The following EEFSEC variants were observed in gnomAD, a reference collection of about 807,000 sequenced individuals.
The protein encoded by EEFSEC is eukaryotic elongation factor, selenocysteine-tRNA specific, also known as selenocysteine-specific elongation factor.
Under a neutral mutation model 42.1 loss-of-function variants are expected in EEFSEC, and 43 were observed. The observed-to-expected ratio is 1.02, with a 90% CI of 0.80 to 1.32. The LOEUF is 1.32. Among genes scored for constraint, EEFSEC ranks in the 40% most tolerant of loss-of-function variants. The probability of loss-of-function intolerance (pLI) is 0.00; values close to 1 mark genes in which losing one functional copy is unlikely to be tolerated. For missense variants in EEFSEC, 745 were observed against 803.6 expected, an observed-to-expected ratio of 0.93 and a Z score of 0.88; for synonymous variants, 354 against 339.1, an observed-to-expected ratio of 1.04 and a Z score of -0.48.
intron 4 of EEFSEC, among the ~76,000 whole-genome samples, chr3:128,307,080 G>A (rs1041406849): frequency 4.6e-5 from 7 of 152,244 alleles, no homozygotes; most frequent in African/African-American, 7.2e-5. Flanking sequence ...TCACCAGTAC[G>A]TCCTACCTGC....
At position 128,358,316 on chromosome 3, in the gene EEFSEC, C is replaced by T; in HGVS notation, c.1543C>T (p.Leu515=). The T allele has an allele frequency of 6.2e-7, 1 of 1,614,242 alleles. No homozygotes were observed. Among genetic ancestry groups the T allele is most frequent in the Admixed American group, 1.7e-5 (1 of 60,028 alleles). Residue 515 remains leucine, a synonymous_variant, in exon 6 of 7, where the codon CTG becomes TTG. Coordinates refer to ENST00000254730, the MANE Select transcript of EEFSEC (RefSeq NM_021937.5). ...GLKVHLSTGE[L]GIIDSAFGQS... ...CAAGGTGCACTTGTCCACTGGGGAA[C>T]TGGGCATCATCGACAGTGCCTTCGG...
intron 4 of EEFSEC, among the ~76,000 whole-genome samples, chr3:128,336,490 G>C (rs570773701): frequency 3.3e-5 from 5 of 152,240 alleles, no homozygotes; most frequent in South Asian, 2.1e-4. Flanking sequence ...CCATGGCAAT[G>C]GTGGCTGGCC....
intron 2 of EEFSEC, among the ~76,000 whole-genome samples, chr3:128,252,520 A>G (rs1042247489): frequency 1.3e-5 from 2 of 152,194 alleles, no homozygotes; most frequent in South Asian, 2.1e-4. Flanking sequence ...TTTCGCATGC[A>G]TAGTTCGTGG....
At chr3:128,268,682 A>G (rs1181472685) in intron 4 of EEFSEC, among the ~76,000 whole-genome samples, 1 of 152,096 alleles carries the variant, frequency 6.6e-6, no homozygotes. Context: ...AGAAGTCCAT[A>G]TAAAGACTAA....
intron 2 of EEFSEC, among the ~76,000 whole-genome samples, chr3:128,254,158 C>T (rs1338663277): frequency 6.6e-6 from 1 of 152,100 alleles, no homozygotes; most frequent in Non-Finnish European, 1.5e-5. Context: ...GAGTTAAAGG[C>T]CAGAGCTGAA....
At chr3:128,358,397 G>A in intron 6 of EEFSEC, 24 bp downstream of exon 6, 1 of 1,613,342 alleles carries the variant, frequency 6.2e-7, no homozygotes, top group Non-Finnish European at 8.5e-7. Context: ...CTTCCTCCCG[G>A]TTTAGGGACA....
chr3:128,254,924 A>C (rs1308694997), intron 2 of EEFSEC, among the ~76,000 whole-genome samples: 1 of 152,192 alleles, frequency 6.6e-6, no homozygotes, highest in Non-Finnish European at 1.5e-5. Flanking sequence ...AATGAAAATC[A>C]GGATGGATTG....
At chr3:128,424,048 GCACA>G in the EEFSEC span, among the ~76,000 whole-genome samples, 1 of 151,966 alleles carries the variant, frequency 6.6e-6, no homozygotes, top group Admixed American at 6.6e-5. Flanking sequence ...CCACACACCC[GCACA>G]CACACACTAT....
At chr3:128,386,222 T>G (rs758343287) in intron 6 of EEFSEC, among the ~76,000 whole-genome samples, 1 of 151,842 alleles carries the variant, frequency 6.6e-6, no homozygotes, top group Non-Finnish European at 1.5e-5. Context: ...TGAAGTAGGG[T>G]TCAGGTGGGC....
Position 128,362,137 on chromosome 3 carries a change from C to T in EEFSEC, c.1600+3764C>T, listed in dbSNP as rs186161041. ...GAGAAGCACTGCACCTGGGAGGCTGCGCTCCCAAAGCTCATCTTGGCAAGC... is the reference window on the plus strand; with the variant it reads ...GAGAAGCACTGCACCTGGGAGGCTGTGCTCCCAAAGCTCATCTTGGCAAGC... On this transcript the variant is annotated intron_variant, in intron 6 of 6. Coordinates refer to ENST00000254730, the MANE Select transcript of EEFSEC (RefSeq NM_021937.5). The T allele has an allele frequency of 3.2e-4, 143 of 451,944 alleles. 1 individual carries two copies. The highest frequency in any genetic ancestry group is 9.9e-4 in the Admixed American group (41 of 41,264). 28.0% of individuals were successfully genotyped at this position (451,944 alleles called of 1,614,324 possible).
chr3:128,319,757 T>C (rs2066987377), intron 4 of EEFSEC, among the ~76,000 whole-genome samples: 1 of 152,230 alleles, frequency 6.6e-6, no homozygotes. Context: ...GTTCTGTTTA[T>C]GTGGCTGTCC....
intron 4 of EEFSEC, among the ~76,000 whole-genome samples, chr3:128,323,820 A>G (rs1559920171): frequency 6.6e-6 from 1 of 152,182 alleles, no homozygotes; most frequent in Non-Finnish European, 1.5e-5. Flanking sequence ...ATGCCAGCCC[A>G]TCCTCTCAGT....
intron 1 of EEFSEC, among the ~76,000 whole-genome samples, chr3:128,176,616 A>T (rs2107784242): frequency 6.6e-6 from 1 of 152,312 alleles, no homozygotes; most frequent in Admixed American, 6.5e-5. Flanking sequence ...ATTAATACTA[A>T]AGGAAAAAAA....
At chr3:128,380,243 C>G (rs1161651079) in intron 6 of EEFSEC, among the ~76,000 whole-genome samples, 2 of 152,238 alleles carry the variant, frequency 1.3e-5, no homozygotes, top group Non-Finnish European at 2.9e-5. Context: ...AGGAGCACAC[C>G]TGAGGCTTTT....
At chr3:128,334,514 T>C (rs1016442742) in intron 4 of EEFSEC, among the ~76,000 whole-genome samples, 3 of 152,250 alleles carry the variant, frequency 2.0e-5, no homozygotes, top group African/African-American at 7.2e-5. Context: ...GTCCCAAGTC[T>C]CAGCCTATTT....
chr3:128,201,506 A>G (rs1459808514), intron 1 of EEFSEC, among the ~76,000 whole-genome samples: 1 of 152,198 alleles, frequency 6.6e-6, no homozygotes, highest in Admixed American at 6.5e-5. Flanking sequence ...GGCTATCTGT[A>G]GATCTTCTTT....
At chr3:128,173,442 T>C (rs1359233249) in intron 1 of EEFSEC, among the ~76,000 whole-genome samples, 6 of 152,188 alleles carry the variant, frequency 3.9e-5, no homozygotes, top group African/African-American at 1.2e-4. Flanking sequence ...TGGAGCAAAA[T>C]TGAGTGAGAA....
chr3:128,367,441 T>A (rs2067603431), intron 6 of EEFSEC, among the ~76,000 whole-genome samples: 1 of 151,974 alleles, frequency 6.6e-6, no homozygotes, highest in Non-Finnish European at 1.5e-5. Context: ...CAAATTGGAG[T>A]CTCAGTGCCC....
intron 1 of EEFSEC, among the ~76,000 whole-genome samples, chr3:128,155,179 A>G (rs962142610): frequency 6.6e-6 from 1 of 151,994 alleles, no homozygotes; most frequent in African/African-American, 2.4e-5. Context: ...CAGTGGTGCA[A>G]TCTTGGCTCA....
Sources: allele counts gnomAD v4.1 joint callset (sites outside exome capture counted in the v4.1 genomes callset), GRCh38; gene constraint gnomAD v4.1.1; transcripts MANE v1.5; gene names NCBI Gene and HGNC (gene_info 2026-07-23, HGNC 2026-07-21).